OSBPL9: variants seen among roughly 807,000 people sequenced by gnomAD.
OSBPL9 encodes the protein oxysterol-binding protein-related protein 9.
Under a neutral mutation model 106.6 loss-of-function variants are expected in OSBPL9, and 40 were observed. The ratio of observed to expected loss-of-function variants is 0.38; its 90% CI spans 0.29 to 0.49. OSBPL9 has a LOEUF of 0.49. OSBPL9 is among the 20% of genes least tolerant of loss of function. The pLI, the probability that OSBPL9 is intolerant of heterozygous loss-of-function variation, is 0.97. For synonymous variants in OSBPL9, 269 were observed against 295.4 expected (o/e 0.91, Z 0.92); for missense variants, 609 against 887.2 (o/e 0.69, Z 3.98).
rs1263921675 is a variant in OSBPL9 at position 51,729,873 on chromosome 1, A to G, written c.319-15663A>G. ...CTGAACCTCAGTCAGGACCGCCTGC[A>G]CCGCAGTCCGGGGATCGGGTCGAGG... On this transcript the variant is annotated intron_variant, in intron 4 of 23. Coordinates refer to ENST00000428468, the MANE Select transcript of OSBPL9 (RefSeq NM_024586.6). This position sits in a 1 kb window ranked among gnomAD's most constrained non-coding sequence, Gnocchi z 5.1. 2 of 1,253,600 alleles carry G rather than the reference A, an allele frequency of 1.6e-6. No homozygotes were observed. Among genetic ancestry groups the G allele is most frequent in the Non-Finnish European group, 2.0e-6 (2 of 991,588 alleles). The allele number at this position is 1,253,600 out of a possible 1,614,324, so 77.7% of individuals were successfully genotyped here. A position where few individuals can be genotyped will look rare whatever the true frequency, so the allele number is the denominator to read the frequency against.
At chr1:51,691,273 CT>C (rs1005953851) in intron 3 of OSBPL9, among the ~76,000 whole-genome samples, 2,448 of 108,958 alleles carry the variant, frequency 0.022, 12 homozygotes, top group Middle Eastern at 0.057. Context: ...CTTGCTGTAA[CT>C]TTTTTTTTTT....
At chr1:51,519,245 T>G in the OSBPL9 span, 1 of 1,237,128 alleles carries the variant, frequency 8.1e-7, no homozygotes, top group Non-Finnish European at 1.0e-6. Flanking sequence ...GTTTCCATCA[T>G]GCAAGGGAGG....
At chr1:51,609,501 G>A (rs563181483) in intron 2 of OSBPL9, among the ~76,000 whole-genome samples, 4 of 148,876 alleles carry the variant, frequency 2.7e-5, no homozygotes, top group Admixed American at 1.3e-4. Context: ...GTGCCACCAT[G>A]CCTGGCTTTT....
At position 51,760,785 on chromosome 1, in the gene OSBPL9, T is replaced by C. The variant is rs764175689; in HGVS notation, c.673+5T>C. The C allele has an allele frequency of 2.5e-6, 4 of 1,613,512 alleles. No homozygotes were observed. In the East Asian group the frequency reaches 8.9e-5, roughly 36 times the overall value. On this transcript the variant is annotated splice_donor_5th_base_variant and intron_variant, in intron 10 of 23. Coordinates refer to ENST00000428468, the MANE Select transcript of OSBPL9 (RefSeq NM_024586.6). ...CCCAGACTGTGTTACCTCCAGGTAA[T>C]TTGGGAAAATGTTTCTTAGATTCAT...
chr1:51,687,417 A>G (rs2148817610), intron 3 of OSBPL9, among the ~76,000 whole-genome samples: 1 of 152,378 alleles, frequency 6.6e-6, no homozygotes, highest in Admixed American at 6.5e-5. Context: ...TTTGGAACAA[A>G]TAATTACAGT....
chr1:51,768,932 A>G (rs951088908), intron 12 of OSBPL9, among the ~76,000 whole-genome samples: 3 of 152,012 alleles, frequency 2.0e-5, no homozygotes, highest in Non-Finnish European at 4.4e-5. Flanking sequence ...TTCTCCCTCA[A>G]TTTCACTCTT....
chr1:51,651,675 G>T (rs1399346135), intron 1 of OSBPL9, among the ~76,000 whole-genome samples: 1 of 152,046 alleles, frequency 6.6e-6, no homozygotes. Context: ...CCTTCTAGGT[G>T]GTTCTCTGAC....
intron 1 of OSBPL9, among the ~76,000 whole-genome samples, chr1:51,633,813 T>C (rs899619883): frequency 1.2e-4 from 19 of 152,166 alleles, no homozygotes; most frequent in African/African-American, 4.6e-4. Context: ...TTTGTAGAAA[T>C]GGGGCCTCAC....
chr1:51,623,345 A>G (rs980753807), intron 1 of OSBPL9, among the ~76,000 whole-genome samples: 2 of 152,212 alleles, frequency 1.3e-5, no homozygotes, highest in Non-Finnish European at 2.9e-5. Context: ...AGCAAGGTCA[A>G]TGTTAAAAAT....
At chr1:51,707,183 G>A (rs931881708) in intron 3 of OSBPL9, 25 of 405,406 alleles carry the variant, frequency 6.2e-5, no homozygotes, top group Admixed American at 1.0e-4. Flanking sequence ...CCCTGTTGGT[G>A]TAGCCAGATT....
chr1:51,743,335 T>C (rs74446407), intron 4 of OSBPL9, among the ~76,000 whole-genome samples: 5,558 of 152,254 alleles, frequency 0.037, 242 homozygotes, highest in East Asian at 0.11. Context: ...GAGGCAAGTG[T>C]AAGAAGAGAG....
Position 51,739,661 on chromosome 1 carries a change from A to T in OSBPL9, c.319-5875A>T, listed in dbSNP as rs1203641257. On this transcript the variant is annotated intron_variant, in intron 4 of 23. Coordinates refer to ENST00000428468, the MANE Select transcript of OSBPL9 (RefSeq NM_024586.6). Reference sequence around the variant, plus strand: ...GATGATCTTCACTCCAAATGAATTGATAGTTGACTATTCCTTAGGATTAAA... The same window carrying T: ...GATGATCTTCACTCCAAATGAATTGTTAGTTGACTATTCCTTAGGATTAAA... Among the ~76,000 whole-genome samples, 4 of 152,046 alleles carry T rather than the reference A, an allele frequency of 2.6e-5. No homozygotes were observed. The East Asian group carries it at 7.7e-4, about 29-fold the overall frequency.
rs1447258805 is a variant in OSBPL9, at chr1:51,609,071, A to G, written c.-352-5234A>G. Among the ~76,000 whole-genome samples, 7 of 152,002 alleles carry G rather than the reference A, an allele frequency of 4.6e-5. No homozygotes were observed. The East Asian group carries it at 1.2e-3, about 25-fold the overall frequency. ...CCTTCCCCCTTCCTATCTGTTAATG[A>G]CCTAATTCATATAGAAATAGAGTTC... On this transcript the variant is annotated intron_variant, in intron 2 of 25. Transcript: ENST00000371714.
chr1:51,688,922 A>T (rs1381837978), intron 3 of OSBPL9, among the ~76,000 whole-genome samples: 1 of 152,228 alleles, frequency 6.6e-6, no homozygotes, highest in Non-Finnish European at 1.5e-5. Flanking sequence ...AATATAGAGA[A>T]GGGAGGAAGT....
At chr1:51,639,396 C>T (rs1645638342) in intron 1 of OSBPL9, among the ~76,000 whole-genome samples, 1 of 152,174 alleles carries the variant, frequency 6.6e-6, no homozygotes, top group African/African-American at 2.4e-5. Flanking sequence ...ACAGTGTTTA[C>T]ATTTATGCGT....
the OSBPL9 span, among the ~76,000 whole-genome samples, chr1:51,533,320 A>T: frequency 6.6e-6 from 1 of 151,276 alleles, no homozygotes; most frequent in South Asian, 2.1e-4. Context: ...CATCTCTACT[A>T]AAAAAAATAC....
At position 51,728,997 on chromosome 1, in the gene OSBPL9, C is replaced by G. The variant is rs530263916; in HGVS notation, c.318+14918C>G. Among the ~76,000 whole-genome samples, 3 of 152,302 alleles carry G rather than the reference C, an allele frequency of 2.0e-5. No individual in the cohort carries two copies. In the East Asian group the frequency reaches 5.8e-4, roughly 29 times the overall value. ...CAAGAGCGGAAAAGGAGCTAGTCCTCCAGATCAATAAGTTAATCACTTATG... is the reference window on the plus strand; with the variant it reads ...CAAGAGCGGAAAAGGAGCTAGTCCTGCAGATCAATAAGTTAATCACTTATG... On this transcript the variant is annotated intron_variant, in intron 4 of 23. Coordinates refer to ENST00000428468, the MANE Select transcript of OSBPL9 (RefSeq NM_024586.6).
At chr1:51,743,721 A>G (rs1667404477) in intron 4 of OSBPL9, among the ~76,000 whole-genome samples, 1 of 152,212 alleles carries the variant, frequency 6.6e-6, no homozygotes. Context: ...AACAAAACCA[A>G]AAAACAAGCC....
At chr1:51,787,275 CTTGTATTATACTATA>C in intron 22 of OSBPL9, 63 bp from the exon 23 acceptor site, 4 of 1,410,780 alleles carry the variant, frequency 2.8e-6, no homozygotes. Context: ...AGCCATTTGA[CTTGTATTATACTATA>C]TTCAGGATGG....
Sources: allele counts gnomAD v4.1 joint callset (sites outside exome capture counted in the v4.1 genomes callset), GRCh38; gene constraint gnomAD v4.1.1; non-coding constraint Gnocchi (gnomAD v3.1); transcripts MANE v1.5; gene names NCBI Gene and HGNC (gene_info 2026-07-23, HGNC 2026-07-21).